CLIP1: variants seen among roughly 807,000 people sequenced by gnomAD.
The protein encoded by CLIP1 is CAP-Gly domain-containing linker protein 1.
A neutral mutation model predicts 161.6 loss-of-function variants in CLIP1; 66 were observed. The ratio of observed to expected loss-of-function variants is 0.41; its 90% CI spans 0.33 to 0.50. The LOEUF is 0.50. Ranked by LOEUF, CLIP1 falls within the 20% of genes least tolerant of loss-of-function variation. CLIP1 has a pLI of 0.27. For synonymous variants in CLIP1, 598 were observed against 626.2 expected (o/e 0.96, Z 0.67); for missense variants, 1,376 against 1,702.0 (o/e 0.81, Z 3.37).
intron 20 of CLIP1, among the ~76,000 whole-genome samples, chr12:122,305,325 G>T (rs1950825824): frequency 6.6e-6 from 1 of 152,186 alleles, no homozygotes; most frequent in Non-Finnish European, 1.5e-5. Context: ...CAGCTACTGG[G>T]GAGCCTGAGG....
At chr12:122,345,334 T>A (rs2136383484) in intron 10 of CLIP1, among the ~76,000 whole-genome samples, 1 of 151,912 alleles carries the variant, frequency 6.6e-6, no homozygotes, top group African/African-American at 2.4e-5. Flanking sequence ...TTTTTTTTTT[T>A]ATTTTTTGTA....
chr12:122,363,495 C>CAA (rs528966555), intron 4 of CLIP1, among the ~76,000 whole-genome samples: 14 of 110,438 alleles, frequency 1.3e-4, no homozygotes, highest in South Asian at 2.9e-4. Context: ...GGCCCTGTCT[C>CAA]AAAAAAAAAA....
At chr12:122,370,612 G>A (rs1227859067) in intron 3 of CLIP1, among the ~76,000 whole-genome samples, 10 of 152,150 alleles carry the variant, frequency 6.6e-5, no homozygotes, top group Admixed American at 6.5e-4. Flanking sequence ...AAGAGCAGAT[G>A]ACATATAACA....
chr12:122,316,153 G>A (rs1057230205), intron 19 of CLIP1, among the ~76,000 whole-genome samples: 31 of 151,586 alleles, frequency 2.0e-4, no homozygotes, highest in African/African-American at 6.5e-4. Flanking sequence ...GGAAGTTCAA[G>A]ACCAAATGTT....
In CLIP1 at chr12:122,306,475, C is replaced by T. The variant is rs1201408472; in HGVS notation, c.3594+3287G>A. 6.6e-5 allele frequency among the ~76,000 whole-genome samples: 10 copies of T among 152,272 alleles called. No homozygotes were observed. The South Asian group carries it at 1.2e-3, about 19-fold the overall frequency. ...ACCCATGCATTCATTCAAACCTACACGTCGTGCTCTATGATTCCTACTTTC... is the reference window on the plus strand; with the variant it reads ...ACCCATGCATTCATTCAAACCTACATGTCGTGCTCTATGATTCCTACTTTC... On this transcript the variant is annotated intron_variant, in intron 20 of 25. Transcript: ENST00000620786.
chr12:122,396,206 T>C (rs1437505090), intron 1 of CLIP1, among the ~76,000 whole-genome samples: 2 of 152,138 alleles, frequency 1.3e-5, no homozygotes, highest in Admixed American at 6.6e-5. Flanking sequence ...TAATAAACTA[T>C]TGAGTTCACC....
chr12:122,390,308 A>ATATG (rs1955598679), intron 1 of CLIP1, among the ~76,000 whole-genome samples: 1 of 127,374 alleles, frequency 7.9e-6, no homozygotes, highest in Non-Finnish European at 1.6e-5. Context: ...ATATATGTAT[A>ATATG]TATATATATA....
chr12:122,405,460 C>A (rs979793011), intron 1 of CLIP1, among the ~76,000 whole-genome samples: 1 of 151,990 alleles, frequency 6.6e-6, no homozygotes, highest in Non-Finnish European at 1.5e-5. Flanking sequence ...TTTAAATAGG[C>A]CAGACTCAGC....
At chr12:122,361,695 G>A (rs1383531459) in intron 4 of CLIP1, among the ~76,000 whole-genome samples, 1 of 152,068 alleles carries the variant, frequency 6.6e-6, no homozygotes, top group African/African-American at 2.4e-5. Flanking sequence ...GACAGACCCC[G>A]TCTCTACAAA....
chr12:122,412,156 C>A (rs1724962467), intron 1 of CLIP1, among the ~76,000 whole-genome samples: 1 of 149,222 alleles, frequency 6.7e-6, no homozygotes, highest in Non-Finnish European at 1.5e-5. Flanking sequence ...GCAGCCTCAA[C>A]CTCCTGGGCT....
At chr12:122,313,926 G>A (rs1257218511) in intron 19 of CLIP1, among the ~76,000 whole-genome samples, 1 of 152,040 alleles carries the variant, frequency 6.6e-6, no homozygotes, top group Non-Finnish European at 1.5e-5. Context: ...GGAGGTCAAG[G>A]CGGGCAGATC....
At chr12:122,415,385 G>A (rs1231338760) in intron 1 of CLIP1, among the ~76,000 whole-genome samples, 1 of 151,616 alleles carries the variant, frequency 6.6e-6, no homozygotes. Flanking sequence ...GGGAGGCTGA[G>A]GCAGGAGAAT....
chr12:122,352,351 C>T (rs555006327), intron 8 of CLIP1, among the ~76,000 whole-genome samples: 2 of 152,282 alleles, frequency 1.3e-5, no homozygotes, highest in Non-Finnish European at 2.9e-5. Context: ...ACCACCGCAC[C>T]CGGCCTGTTA....
intron 3 of CLIP1, chr12:122,364,747 C>A: frequency 1.5e-6 from 1 of 648,828 alleles, no homozygotes; most frequent in South Asian, 1.4e-5. Flanking sequence ...CTTCGCCTTT[C>A]GGCCGGAACC....
intron 20 of CLIP1, among the ~76,000 whole-genome samples, chr12:122,298,174 CTT>C (rs1950546610): frequency 2.0e-5 from 3 of 152,324 alleles, no homozygotes; most frequent in East Asian, 3.9e-4. Context: ...TAAACTCTCT[CTT>C]GGCCTGTTTC....
At chr12:122,362,166 A>C (rs1021716764) in intron 4 of CLIP1, among the ~76,000 whole-genome samples, 31 of 150,956 alleles carry the variant, frequency 2.1e-4, no homozygotes, top group East Asian at 1.8e-3. Context: ...GTTGGCCAGG[A>C]TGGTCTCGAA....
chr12:122,400,456 T>G (rs1057237472), intron 1 of CLIP1: 3 of 152,192 alleles, frequency 2.0e-5, no homozygotes, highest in Non-Finnish European at 4.4e-5. Context: ...TGGCTGTTTC[T>G]AGAGCCAGGC....
chr12:122,359,543 T>C (rs1332128986), intron 5 of CLIP1, among the ~76,000 whole-genome samples: 1 of 152,234 alleles, frequency 6.6e-6, no homozygotes, highest in Non-Finnish European at 1.5e-5. Flanking sequence ...ACACAGGGGT[T>C]TGGGGCTCTT....
chr12:122,296,713 G>A (rs1950479834), intron 20 of CLIP1, among the ~76,000 whole-genome samples: 1 of 151,756 alleles, frequency 6.6e-6, no homozygotes, highest in Admixed American at 6.6e-5. Context: ...AACACTCAGG[G>A]TAGAGCTGAG....
Sources: gnomAD v4.1 joint callset for allele counts (sites outside exome capture counted in the v4.1 genomes callset) on GRCh38, gnomAD v4.1.1 for gene constraint, MANE v1.5 for transcripts, NCBI Gene and HGNC (gene_info 2026-07-23, HGNC 2026-07-21) for gene names.